Variants in SIK3 observed in about 807,000 individuals in gnomAD.
SIK3 encodes SIK family kinase 3.
SIK3 carries 28 observed loss-of-function variants against 144.2 expected under a neutral mutation model. The observed-to-expected ratio is 0.19, with a 90% CI of 0.14 to 0.27. The LOEUF (loss-of-function observed/expected upper bound fraction) is 0.27, where lower values mean the gene tolerates loss of function less well. Ranked by LOEUF, SIK3 falls within the 10% of genes least tolerant of loss-of-function variation. The pLI, the probability that SIK3 is intolerant of heterozygous loss-of-function variation, is 1.00. For synonymous variants in SIK3, 686 were observed against 676.3 expected, an observed-to-expected ratio of 1.01 and a Z score of -0.22; for missense variants, 1,319 against 1,776.0, an observed-to-expected ratio of 0.74 and a Z score of 4.62.
chr11:116,866,854 C>G (rs187020791), intron 15 of SIK3, among the ~76,000 whole-genome samples: 46 of 152,328 alleles, frequency 3.0e-4, no homozygotes, highest in East Asian at 1.5e-3. Context: ...TCTTGCTACT[C>G]CTGACAGACC....
At chr11:116,854,835 A>G (rs560239738) in intron 21 of SIK3, among the ~76,000 whole-genome samples, 2 of 152,228 alleles carry the variant, frequency 1.3e-5, no homozygotes, top group South Asian at 2.1e-4. Flanking sequence ...TCATGCCTGT[A>G]ATCCCAGCAC....
chr11:116,977,333 A>G (rs937427384), intron 1 of SIK3, among the ~76,000 whole-genome samples: 2 of 148,342 alleles, frequency 1.3e-5, no homozygotes, highest in Non-Finnish European at 3.0e-5. Context: ...CTCCCTCCTC[A>G]GTCCCACAAA....
rs754100622 is a variant in SIK3 at position 116,936,365 on chromosome 11, G to A, written c.455-8985C>T. On this transcript the variant is annotated intron_variant, in intron 3 of 24. Transcript: ENST00000445177. Reference sequence around the variant, plus strand: ...TAATTTTTGTATTTTTAATAGAGACGGAGTTTCACCATGTTGGTCAGGCTG... The same window carrying A: ...TAATTTTTGTATTTTTAATAGAGACAGAGTTTCACCATGTTGGTCAGGCTG... Among the ~76,000 whole-genome samples the A allele has an allele frequency of 4.6e-4, 70 of 152,016 alleles. 1 individual carries two copies. Among genetic ancestry groups the A allele is most frequent in the South Asian group, 1.2e-3 (6 of 4,816 alleles).
chr11:117,020,397 G>C (rs1345527767), intron 1 of SIK3, among the ~76,000 whole-genome samples: 1 of 151,834 alleles, frequency 6.6e-6, no homozygotes. Flanking sequence ...ACAGTCTTTT[G>C]CTATTTATAA....
At chr11:116,978,052 A>G (rs1950011318) in intron 1 of SIK3, among the ~76,000 whole-genome samples, 1 of 152,074 alleles carries the variant, frequency 6.6e-6, no homozygotes, top group Non-Finnish European at 1.5e-5. Flanking sequence ...CCCCATCTCT[A>G]CTAAAATTAC....
intron 1 of SIK3, among the ~76,000 whole-genome samples, chr11:117,055,406 A>G (rs1178858088): frequency 6.6e-6 from 1 of 152,194 alleles, no homozygotes; most frequent in Non-Finnish European, 1.5e-5. Flanking sequence ...TAGTCTCCCC[A>G]CTCTTACTTA....
chr11:117,015,035 G>A (rs573426215), intron 1 of SIK3, among the ~76,000 whole-genome samples: 7 of 152,318 alleles, frequency 4.6e-5, no homozygotes, highest in Non-Finnish European at 8.8e-5. Flanking sequence ...CTGCACTCCA[G>A]CCTGGGCAAA....
At chr11:117,040,947 CCTTT>C in intron 1 of SIK3, among the ~76,000 whole-genome samples, 1 of 116,770 alleles carries the variant, frequency 8.6e-6, no homozygotes, top group African/African-American at 3.5e-5. Flanking sequence ...TTACCTGCCT[CCTTT>C]TTTTTTTTTT....
Position 117,024,045 on chromosome 11 carries a change from T to A in SIK3, c.274-66981A>T, listed in dbSNP as rs79778181. On this transcript the variant is annotated intron_variant, in intron 1 of 24. Coordinates refer to ENST00000445177, the MANE Select transcript of SIK3 (RefSeq NM_001366686.3). Reference sequence around the variant, plus strand: ...CCCAAAAAACTTTGTCCCAGACCACTGTATATTCTCCAAGCCCACTGAATA... The same window carrying A: ...CCCAAAAAACTTTGTCCCAGACCACAGTATATTCTCCAAGCCCACTGAATA... Among the ~76,000 whole-genome samples the A allele has an allele frequency of 8.3e-3, 1,259 of 152,164 alleles. 21 individuals carry two copies. Among genetic ancestry groups the A allele is most frequent in the African/African-American group, 0.03 (1,226 of 41,508 alleles).
intron 4 of SIK3, among the ~76,000 whole-genome samples, chr11:116,897,775 C>T (rs150360648): frequency 0.084 from 12,711 of 151,926 alleles, 1,024 homozygotes; most frequent in African/African-American, 0.21. Flanking sequence ...CCCAGGTACT[C>T]GGGAGGCTGA....
chr11:117,081,646 A>C (rs1040773931), intron 1 of SIK3, among the ~76,000 whole-genome samples: 1 of 152,198 alleles, frequency 6.6e-6, no homozygotes, highest in Non-Finnish European at 1.5e-5. Context: ...TTAATCAAAA[A>C]AATAAAGTCT....
At chr11:116,847,012 C>A (rs1452345483) in intron 23 of SIK3, among the ~76,000 whole-genome samples, 2 of 152,222 alleles carry the variant, frequency 1.3e-5, no homozygotes, top group Non-Finnish European at 2.9e-5. Context: ...TCGTTTTTGC[C>A]ACTTTACAGA....
At chr11:117,048,444 G>C (rs1236381002) in intron 1 of SIK3, among the ~76,000 whole-genome samples, 1 of 151,982 alleles carries the variant, frequency 6.6e-6, no homozygotes, top group Admixed American at 6.5e-5. Flanking sequence ...ATCACCTGCG[G>C]TTGGGAGTTC....
intron 1 of SIK3, among the ~76,000 whole-genome samples, chr11:117,059,174 C>T (rs1453123610): frequency 6.6e-6 from 1 of 152,046 alleles, no homozygotes; most frequent in East Asian, 1.9e-4. Flanking sequence ...TAAATTGCTA[C>T]AGAGAAGTGG....
Position 116,849,253 on chromosome 11 carries a change from C to T in SIK3, c.3686G>A (p.Ser1229Asn). 6.2e-7 allele frequency: 1 copy of T among 1,614,226 alleles called. No homozygotes were observed. The highest frequency in any genetic ancestry group is 8.5e-7 in the Non-Finnish European group (1 of 1,180,028). ...CAGCTCCACTGCTTGTCCTGGAGAA[C>T]TTCTATCCATGCAGTTCCCTATGAC... ...EPVIGNCMDR[S>N]SPGQAVELPD... The change falls in exon 22 of 25, where the codon AGT becomes AAT. Residue 1229 changes from serine (S) to asparagine (N), a missense_variant. Ser to Asn is a conservative substitution (Grantham distance 46, BLOSUM62 1). This residue lies in a region of SIK3 where 646 missense variants were observed against 763.7 expected (regional missense o/e 0.85). Coordinates refer to ENST00000445177, the MANE Select transcript of SIK3 (RefSeq NM_001366686.3). The surrounding 1 kb of genome is among the most constrained non-coding windows in gnomAD (Gnocchi z 4.2).
At chr11:117,048,961 C>T (rs61905718) in intron 1 of SIK3, among the ~76,000 whole-genome samples, 26,022 of 151,874 alleles carry the variant, frequency 0.17, 2,352 homozygotes, top group Admixed American at 0.21. Flanking sequence ...ATTAGCTGGG[C>T]GTGGTGGCGC....
Position 116,861,353 on chromosome 11 carries a change from G to C in SIK3, c.2346C>G (p.Pro782=), listed in dbSNP as rs142416566. 4 of 1,594,510 alleles carry C rather than the reference G, an allele frequency of 2.5e-6. No homozygotes were observed. Among genetic ancestry groups the C allele is most frequent in the Non-Finnish European group, 3.4e-6 (4 of 1,173,110 alleles). The part of the protein sequence containing the change: ...RLRIQPSSPP[P]NHPNNHLFRQ... The stretch of plus-strand genomic sequence containing the variant: ...TGAAGAGATGGTTGTTGGGGTGGTT[G>C]GGGGGTGGGCTTGAAGGCTGAATCC... The change falls in exon 19 of 25, where the codon CCC becomes CCG. Residue 782 remains proline (P), a synonymous_variant. Coordinates refer to ENST00000445177, the MANE Select transcript of SIK3 (RefSeq NM_001366686.3).
chr11:116,858,123 C>T lies in SIK3; in HGVS notation c.3342G>A (p.Arg1114=). The change falls in exon 21 of 25, where the codon AGG becomes AGA. Residue 1114 remains arginine (R), a synonymous_variant. Coordinates refer to ENST00000445177, the MANE Select transcript of SIK3 (RefSeq NM_001366686.3). This position sits in a 1 kb window ranked among gnomAD's most constrained non-coding sequence, Gnocchi z 5.4. ...HTSPQHLLQI[R]AQECVSQASS... ...AAGCCTGTGAGACACATTCTTGTGC[C>T]CTGATTTGTAGCAGATGCTGGGGGC... 1 of 1,614,026 alleles carries T rather than the reference C, an allele frequency of 6.2e-7. No individual in the cohort carries two copies.
chr11:116,948,126 T>A (rs753149231), intron 3 of SIK3, among the ~76,000 whole-genome samples: 3 of 151,160 alleles, frequency 2.0e-5, no homozygotes, highest in Non-Finnish European at 4.4e-5. Flanking sequence ...TTTGTAGAGA[T>A]GGTGTTTCAC....
Sources: gnomAD v4.1 joint callset for allele counts (sites outside exome capture counted in the v4.1 genomes callset) on GRCh38, gnomAD v4.1.1 for gene constraint, gnomAD v4.1.1 regional missense constraint, Gnocchi (gnomAD v3.1) non-coding constraint, MANE v1.5 for transcripts, NCBI Gene and HGNC (gene_info 2026-07-23, HGNC 2026-07-21) for gene names.